SLC1A2: variants seen among roughly 807,000 people sequenced by gnomAD.
SLC1A2 encodes the protein excitatory amino acid transporter 2.
In SLC1A2, 15 loss-of-function variants were observed where a neutral mutation model predicts 48.8. The observed-to-expected ratio is 0.31, with a 90% CI of 0.21 to 0.47. The LOEUF (loss-of-function observed/expected upper bound fraction) is 0.47, where lower values mean the gene tolerates loss of function less well. SLC1A2 is among the 20% of genes least tolerant of loss of function. SLC1A2 has a pLI of 0.99. For missense variants in SLC1A2, 502 were observed against 730.5 expected, an observed-to-expected ratio of 0.69 and a Z score of 3.61; for synonymous variants, 279 against 272.6, an observed-to-expected ratio of 1.02 and a Z score of -0.23.
At chr11:35,340,798 CTG>C (rs1159241754) in intron 1 of SLC1A2, among the ~76,000 whole-genome samples, 1 of 152,166 alleles carries the variant, frequency 6.6e-6, no homozygotes, top group Non-Finnish European at 1.5e-5. Flanking sequence ...TCTTAGAAAA[CTG>C]TGCAGACACT....
chr11:35,298,127 C>G (rs976550584), intron 6 of SLC1A2: 12 of 152,014 alleles, frequency 7.9e-5, no homozygotes, highest in Non-Finnish European at 1.2e-4. Flanking sequence ...AACAAAAGCA[C>G]CTATTTTTGT....
At chr11:35,393,469 T>C (rs1045741500) in intron 1 of SLC1A2, among the ~76,000 whole-genome samples, 1 of 152,210 alleles carries the variant, frequency 6.6e-6, no homozygotes, top group Non-Finnish European at 1.5e-5. Flanking sequence ...CCGGTCATTT[T>C]AAAGCTAGAT....
rs541465359 is a variant in SLC1A2, at chr11:35,396,893, C to T, written c.17+22057G>A. Reference sequence around the variant, plus strand: ...TTCTTATACACCAACAACACACAAACAGAGAGCCAAATCATGAGTGAACTC... The same window carrying T: ...TTCTTATACACCAACAACACACAAATAGAGAGCCAAATCATGAGTGAACTC... On this transcript the variant is annotated intron_variant, in intron 1 of 10. Coordinates refer to ENST00000278379, the MANE Select transcript of SLC1A2 (RefSeq NM_004171.4). Among the ~76,000 whole-genome samples, 292 of 151,722 alleles carry T rather than the reference C, an allele frequency of 1.9e-3. 1 individual carries two copies. Among genetic ancestry groups the T allele is most frequent in the African/African-American group, 7.0e-3 (289 of 41,316 alleles).
chr11:35,395,747 A>C (rs953516837), intron 1 of SLC1A2, among the ~76,000 whole-genome samples: 2 of 146,664 alleles, frequency 1.4e-5, no homozygotes, highest in African/African-American at 2.6e-5. Context: ...ACATATGTAT[A>C]CATGTGCCGT....
chr11:35,347,341 A>G (rs1358783673), intron 1 of SLC1A2, among the ~76,000 whole-genome samples: 1 of 152,218 alleles, frequency 6.6e-6, no homozygotes, highest in Non-Finnish European at 1.5e-5. Context: ...ATGGTAATTC[A>G]ATATACTTGC....
intron 1 of SLC1A2, among the ~76,000 whole-genome samples, chr11:35,389,817 T>G (rs1365734971): frequency 1.3e-5 from 2 of 152,068 alleles, no homozygotes; most frequent in Non-Finnish European, 2.9e-5. Flanking sequence ...CTTGCTATAT[T>G]GCCCAGGCTG....
Position 35,286,903 on chromosome 11 carries a change from C to A in SLC1A2, c.1140G>T (p.Gly380=), listed in dbSNP as rs760937901. 4.3e-6 allele frequency: 7 copies of A among 1,614,050 alleles called. No homozygotes were observed. Among genetic ancestry groups the A allele is most frequent in the Non-Finnish European group, 5.1e-6 (6 of 1,179,926 alleles). The change falls in exon 8 of 11, where the codon GGG becomes GGT. Residue 380 remains glycine (G), a synonymous_variant. Transcript: ENST00000278379. ...CGAATCTAGTCACACGCTTATCAAT[C>A]CCCAGATTTTCTTCCAGGCAACGAA... ...VTFRCLEENL[G]IDKRVTRFVL...
intron 10 of SLC1A2, chr11:35,261,692 G>A (rs1230260073): frequency 2.5e-5 from 10 of 398,360 alleles, no homozygotes; most frequent in South Asian, 2.5e-4. Flanking sequence ...TGTCCTCAAC[G>A]TCATGTGCAA....
intron 5 of SLC1A2, among the ~76,000 whole-genome samples, chr11:35,303,887 CA>C (rs1216071088): frequency 6.6e-6 from 1 of 151,816 alleles, no homozygotes; most frequent in Non-Finnish European, 1.5e-5. Context: ...TTTCCAAAGC[CA>C]AAAAACAGAA....
chr11:35,327,498 A>G lies in SLC1A2; in HGVS notation c.18-9982T>C, dbSNP rs75160547. Among the ~76,000 whole-genome samples the G allele has an allele frequency of 4.3e-3, 657 of 152,290 alleles. 4 individuals carry two copies. Among genetic ancestry groups the G allele is most frequent in the South Asian group, 0.014 (69 of 4,816 alleles). The stretch of plus-strand genomic sequence containing the variant: ...AGAGTGACCTCACTGGCCAAAGAAG[A>G]AGTTTGTGGCCTTCATCTTCCTTCT... On this transcript the variant is annotated intron_variant, in intron 1 of 10. Coordinates refer to ENST00000278379, the MANE Select transcript of SLC1A2 (RefSeq NM_004171.4).
chr11:35,319,592 C>T (rs913283927), intron 1 of SLC1A2, among the ~76,000 whole-genome samples: 9 of 152,184 alleles, frequency 5.9e-5, no homozygotes, highest in Non-Finnish European at 1.3e-4. Context: ...CTGGCAAGAT[C>T]CATATGATGT....
chr11:35,285,161 G>A (rs1314509512), intron 8 of SLC1A2, among the ~76,000 whole-genome samples: 1 of 152,032 alleles, frequency 6.6e-6, no homozygotes, highest in Non-Finnish European at 1.5e-5. Context: ...GTCTTTTTTT[G>A]AGTCACAGTC....
chr11:35,381,871 A>G (rs1854433636), intron 1 of SLC1A2, among the ~76,000 whole-genome samples: 2 of 152,260 alleles, frequency 1.3e-5, no homozygotes, highest in Non-Finnish European at 2.9e-5. Flanking sequence ...ATGTTCTGCA[A>G]CAATGAGTAC....
rs567111066 is a variant in SLC1A2 at position 35,259,616 on chromosome 11, T to A, written c.*1278A>T. On this transcript the variant is annotated 3_prime_UTR_variant, in exon 11 of 11. Coordinates refer to ENST00000278379, the MANE Select transcript of SLC1A2 (RefSeq NM_004171.4). ...TGTGAAGTTGTACAGAGCCATCCTT[T>A]GTTGCCATGTCATTGTTCAAGGCTG... 1 of 152,364 alleles carries A rather than the reference T, an allele frequency of 6.6e-6. No individual in the cohort carries two copies. The highest frequency in any genetic ancestry group is 2.1e-4 in the South Asian group (1 of 4,828). 9.4% of individuals were successfully genotyped at this position (152,364 alleles called of 1,614,324 possible).
rs115439018 is a variant in SLC1A2 at position 35,334,363 on chromosome 11, C to T, written c.18-16847G>A. The stretch of plus-strand genomic sequence containing the variant: ...TACAGATGGGAGCTTTCTTCATATG[C>T]TTAAGTAAAATCTTCAAAAAAGGAA... On this transcript the variant is annotated intron_variant, in intron 1 of 10. Transcript: ENST00000278379. 4.3e-3 allele frequency among the ~76,000 whole-genome samples: 650 copies of T among 152,234 alleles called. 10 individuals are homozygous for T. Among genetic ancestry groups the T allele is most frequent in the African/African-American group, 0.015 (633 of 41,540 alleles).
chr11:35,399,867 G>A (rs1855085473), intron 1 of SLC1A2, among the ~76,000 whole-genome samples: 1 of 152,240 alleles, frequency 6.6e-6, no homozygotes, highest in African/African-American at 2.4e-5. Context: ...ATAGGGTGAT[G>A]TGGGATGTCA....
chr11:35,301,704 C>A, intron 5 of SLC1A2, 59 bp from the exon 6 acceptor site: 1 of 1,545,746 alleles, frequency 6.5e-7, no homozygotes. Flanking sequence ...CTTTTTCTCC[C>A]TCATTCTTTA....
chr11:35,300,116 A>G (rs1332680953), intron 6 of SLC1A2, among the ~76,000 whole-genome samples: 2 of 152,216 alleles, frequency 1.3e-5, no homozygotes, highest in Non-Finnish European at 1.5e-5. Flanking sequence ...CCTAGATTTC[A>G]GAGTCACTGA....
intron 1 of SLC1A2, among the ~76,000 whole-genome samples, chr11:35,334,895 A>G (rs3847616): frequency 1 from 151,952 of 152,018 alleles, 75,943 homozygotes; most frequent in Middle Eastern, 1. Flanking sequence ...TAAGACAGAC[A>G]TTTTGTACAA....
Sources: allele counts gnomAD v4.1 joint callset (sites outside exome capture counted in the v4.1 genomes callset), GRCh38; gene constraint gnomAD v4.1.1; transcripts MANE v1.5; gene names NCBI Gene and HGNC (gene_info 2026-07-23, HGNC 2026-07-21).